Variants in CYB5R4 observed in about 807,000 individuals in gnomAD.
The protein encoded by CYB5R4 is N-terminal cytochrome b5 and cytochrome b5 oxidoreductase domain-containing protein.
CYB5R4 carries 55 observed loss-of-function variants against 70.2 expected under a neutral mutation model. The observed-to-expected ratio is 0.78, with a 90% CI of 0.63 to 0.98. The LOEUF (loss-of-function observed/expected upper bound fraction) is 0.98. Ranked by LOEUF, CYB5R4 falls within the 50% of genes least tolerant of loss-of-function variation. The pLI is 0.00. For missense variants in CYB5R4, 562 were observed against 612.6 expected, an observed-to-expected ratio of 0.92 and a Z score of 0.87; for synonymous variants, 197 against 199.5, an observed-to-expected ratio of 0.99 and a Z score of 0.11.
chr6:83,894,947 A>G (rs930375738), intron 3 of CYB5R4, among the ~76,000 whole-genome samples: 1 of 152,156 alleles, frequency 6.6e-6, no homozygotes, highest in Non-Finnish European at 1.5e-5. Context: ...TTGCAGTTCA[A>G]ACCTGTGTTG....
intron 3 of CYB5R4, among the ~76,000 whole-genome samples, chr6:83,906,777 T>C (rs1474670375): frequency 1.3e-5 from 2 of 152,212 alleles, no homozygotes; most frequent in Non-Finnish European, 2.9e-5. Flanking sequence ...AACTATCTTC[T>C]TTCTATACTT....
intron 9 of CYB5R4, among the ~76,000 whole-genome samples, chr6:83,923,595 A>G (rs2099466772): frequency 6.6e-6 from 1 of 152,214 alleles, no homozygotes; most frequent in Non-Finnish European, 1.5e-5. Flanking sequence ...ATATGAAAGC[A>G]CATATTTTAT....
chr6:83,930,791 A>T (rs914853074), intron 10 of CYB5R4, among the ~76,000 whole-genome samples: 6 of 152,076 alleles, frequency 3.9e-5, no homozygotes, highest in Admixed American at 2.0e-4. Flanking sequence ...GTGAAAAAAA[A>T]AAAAAGATTC....
At chr6:83,938,832 A>AT (rs1286037162) in intron 12 of CYB5R4, among the ~76,000 whole-genome samples, 1 of 150,718 alleles carries the variant, frequency 6.6e-6, no homozygotes, top group African/African-American at 2.5e-5. Flanking sequence ...TTCTATTATT[A>AT]TTATTTTTTT....
chr6:83,864,461 C>A, intron 2 of CYB5R4, 133 bp downstream of exon 2: 1 of 707,846 alleles, frequency 1.4e-6, no homozygotes, highest in Non-Finnish European at 2.3e-6. Flanking sequence ...TTGACAATAA[C>A]TTATATAATT....
intron 14 of CYB5R4, among the ~76,000 whole-genome samples, chr6:83,942,506 G>T (rs2099469929): frequency 6.6e-6 from 1 of 152,188 alleles, no homozygotes; most frequent in Non-Finnish European, 1.5e-5. Flanking sequence ...CACCACCAGG[G>T]CCCTGGGTTT....
chr6:83,960,074 G>A lies in CYB5R4; in HGVS notation c.*196G>A. The A allele has an allele frequency of 2.4e-6, 1 of 413,246 alleles. No homozygotes were observed. The highest frequency in any genetic ancestry group is 4.6e-5 in the Admixed American group (1 of 21,738). The allele number at this position is 413,246 out of a possible 1,614,324, so 25.6% of individuals were successfully genotyped here. A position where few individuals can be genotyped will look rare whatever the true frequency, so the allele number is the denominator to read the frequency against. On this transcript the variant is annotated 3_prime_UTR_variant, in exon 16 of 16. Transcript: ENST00000369681. ...TTGTACCACAACTTATTTTACTACT[G>A]ATATTTGACCTGGAAAGTTAATCAT...
intron 10 of CYB5R4, among the ~76,000 whole-genome samples, chr6:83,928,843 A>T (rs926140249): frequency 2.0e-5 from 3 of 152,206 alleles, no homozygotes; most frequent in Non-Finnish European, 1.5e-5. Context: ...CCAAGAAATA[A>T]ATGATACTGA....
chr6:83,907,103 G>A (rs2099463898), intron 3 of CYB5R4, among the ~76,000 whole-genome samples: 2 of 151,810 alleles, frequency 1.3e-5, no homozygotes, highest in Admixed American at 1.3e-4. Flanking sequence ...TTTCAAACAG[G>A]GTCTTGCTCT....
At chr6:83,884,608 T>G (rs914032642) in intron 2 of CYB5R4, among the ~76,000 whole-genome samples, 2 of 152,122 alleles carry the variant, frequency 1.3e-5, no homozygotes, top group African/African-American at 4.8e-5. Flanking sequence ...TGACAGGAAG[T>G]AATTACAATA....
At chr6:83,919,881 A>G (rs1254108375) in intron 7 of CYB5R4, among the ~76,000 whole-genome samples, 1 of 151,930 alleles carries the variant, frequency 6.6e-6, no homozygotes, top group East Asian at 1.9e-4. Context: ...AGGATTGGAG[A>G]AGGTATTTCG....
intron 3 of CYB5R4, among the ~76,000 whole-genome samples, chr6:83,895,129 A>G (rs541104869): frequency 6.6e-6 from 1 of 152,022 alleles, no homozygotes; most frequent in African/African-American, 2.4e-5. Context: ...TCCCATTGTT[A>G]TTTGGTATTT....
Position 83,899,681 on chromosome 6 carries a change from G to T in CYB5R4, c.330+6059G>T, listed in dbSNP as rs542684059. 2.6e-5 allele frequency among the ~76,000 whole-genome samples: 4 copies of T among 152,154 alleles called. No homozygotes were observed. The East Asian group carries it at 7.7e-4, about 29-fold the overall frequency. On this transcript the variant is annotated intron_variant, in intron 3 of 15. Coordinates refer to ENST00000369681, the MANE Select transcript of CYB5R4 (RefSeq NM_016230.4). ...CTATTCAGGGATTCAACTTCTTCCT[G>T]GTTTAGTCTTGGGAGGGTGTATGTG... is the stretch of plus-strand genomic sequence containing the variant.
At chr6:83,886,548 A>G (rs192452156) in intron 2 of CYB5R4, among the ~76,000 whole-genome samples, 267 of 152,360 alleles carry the variant, frequency 1.8e-3, no homozygotes, top group African/African-American at 6.2e-3. Context: ...ATATTGTATG[A>G]TCCCATTTGT....
chr6:83,932,386 A>G (rs1438592381), intron 10 of CYB5R4, among the ~76,000 whole-genome samples: 1 of 152,228 alleles, frequency 6.6e-6, no homozygotes, highest in Non-Finnish European at 1.5e-5. Context: ...CATAGTTACT[A>G]TAGCAAACTT....
chr6:83,921,223 A>C, intron 8 of CYB5R4, 48 bp downstream of exon 8: 3 of 1,384,226 alleles, frequency 2.2e-6, no homozygotes, highest in Non-Finnish European at 2.9e-6. Flanking sequence ...TTTTCTTTAA[A>C]TATGGCAATA....
chr6:83,909,495 CT>C (rs890751091), intron 4 of CYB5R4, among the ~76,000 whole-genome samples: 6 of 152,184 alleles, frequency 3.9e-5, no homozygotes, highest in Admixed American at 3.9e-4. Flanking sequence ...TAGATAACCC[CT>C]ATTCTTACTT....
intron 10 of CYB5R4, among the ~76,000 whole-genome samples, chr6:83,928,755 G>C (rs2099467705): frequency 6.6e-6 from 1 of 152,174 alleles, no homozygotes; most frequent in Admixed American, 6.5e-5. Flanking sequence ...GGTATTTTTA[G>C]AGTGAAGTCT....
chr6:83,928,753 T>C (rs575208939), intron 10 of CYB5R4, among the ~76,000 whole-genome samples: 1 of 152,272 alleles, frequency 6.6e-6, no homozygotes, highest in Non-Finnish European at 1.5e-5. Context: ...AAGGTATTTT[T>C]AGAGTGAAGT....
Sources: gnomAD v4.1 joint callset for allele counts (sites outside exome capture counted in the v4.1 genomes callset) on GRCh38, gnomAD v4.1.1 for gene constraint, MANE v1.5 for transcripts, NCBI Gene and HGNC (gene_info 2026-07-23, HGNC 2026-07-21) for gene names.